Variants in BTRC observed in about 807,000 individuals in gnomAD.
BTRC encodes F-box/WD repeat-containing protein 1A.
Under a neutral mutation model 85.5 loss-of-function variants are expected in BTRC, and 42 were observed. The ratio of observed to expected loss-of-function variants is 0.49; its 90% CI spans 0.38 to 0.64. The LOEUF (loss-of-function observed/expected upper bound fraction) is 0.64, where lower values mean the gene tolerates loss of function less well. BTRC is among the 30% of genes least tolerant of loss of function. BTRC has a pLI of 0.00. For synonymous variants in BTRC, 255 were observed against 263.3 expected (o/e 0.97, Z 0.30); for missense variants, 594 against 743.5 (o/e 0.80, Z 2.34).
intron 13 of BTRC, among the ~76,000 whole-genome samples, chr10:101,543,960 AGT>A (rs1343246766): frequency 3.9e-5 from 6 of 152,168 alleles, no homozygotes; most frequent in African/African-American, 1.4e-4. Flanking sequence ...CCCAGGCTGG[AGT>A]GCACTGGCGT....
intron 4 of BTRC, among the ~76,000 whole-genome samples, chr10:101,503,018 A>G (rs1946433885): frequency 6.6e-6 from 1 of 152,188 alleles, no homozygotes; most frequent in Admixed American, 6.5e-5. Flanking sequence ...TCTTAACATT[A>G]GCCCTTCTAG....
rs749142905 is a variant in BTRC, at chr10:101,536,664, T to C, written c.1577+11T>C. 1.3e-6 allele frequency: 2 copies of C among 1,578,114 alleles called. No homozygotes were observed. The highest frequency in any genetic ancestry group is 1.1e-5 in the South Asian group (1 of 90,040). ...TGGGGCCTATGATGGGTGAGTGTGC[T>C]AACAGAGTGTAAAAAAGAGAAAATC... On this transcript the variant is annotated intron_variant, in intron 12 of 14. Coordinates refer to ENST00000370187, the MANE Select transcript of BTRC (RefSeq NM_033637.4).
chr10:101,471,051 A>G, intron 3 of BTRC, among the ~76,000 whole-genome samples: 1 of 152,204 alleles, frequency 6.6e-6, no homozygotes, highest in Non-Finnish European at 1.5e-5. Flanking sequence ...AAGAAAAATG[A>G]TAGGTGTCTA....
At chr10:101,408,332 G>A (rs1943684784) in intron 1 of BTRC, among the ~76,000 whole-genome samples, 1 of 151,036 alleles carries the variant, frequency 6.6e-6, no homozygotes, top group South Asian at 2.1e-4. Flanking sequence ...TCTGAGACAG[G>A]GTCTCACTCT....
At chr10:101,492,952 G>A (rs567306039) in intron 4 of BTRC, among the ~76,000 whole-genome samples, 1 of 152,256 alleles carries the variant, frequency 6.6e-6, no homozygotes, top group African/African-American at 2.4e-5. Context: ...TACTAAGTGA[G>A]ATTTTATAAA....
At chr10:101,457,376 A>G (rs1478992988) in intron 2 of BTRC, among the ~76,000 whole-genome samples, 1 of 152,216 alleles carries the variant, frequency 6.6e-6, no homozygotes, top group African/African-American at 2.4e-5. Context: ...GACAATGTCA[A>G]TGACTCATGG....
At chr10:101,358,039 C>T (rs1942093942) in intron 1 of BTRC, among the ~76,000 whole-genome samples, 1 of 152,086 alleles carries the variant, frequency 6.6e-6, no homozygotes, top group South Asian at 2.1e-4. Context: ...CCCCAAAACA[C>T]ACAAACACAC....
At chr10:101,419,441 C>T (rs543372760) in intron 1 of BTRC, among the ~76,000 whole-genome samples, 68 of 152,036 alleles carry the variant, frequency 4.5e-4, no homozygotes, top group Non-Finnish European at 9.1e-4. Context: ...GGTTTTATTT[C>T]GAGAAAAAGC....
intron 1 of BTRC, among the ~76,000 whole-genome samples, chr10:101,363,111 G>T (rs1043797328): frequency 6.6e-6 from 1 of 152,168 alleles, no homozygotes; most frequent in African/African-American, 2.4e-5. Context: ...TAAATATACT[G>T]TTCTAAGCTC....
chr10:101,426,676 A>C (rs985871567), intron 1 of BTRC, among the ~76,000 whole-genome samples: 1 of 152,202 alleles, frequency 6.6e-6, no homozygotes, highest in African/African-American at 2.4e-5. Context: ...TGTAAAACGG[A>C]GGAGACAAAT....
At chr10:101,418,695 AATTATT>A (rs569509127) in intron 1 of BTRC, among the ~76,000 whole-genome samples, 5 of 151,894 alleles carry the variant, frequency 3.3e-5, no homozygotes, top group African/African-American at 7.2e-5. Context: ...GGCAAACAAA[AATTATT>A]ATTATTATTA....
intron 1 of BTRC, among the ~76,000 whole-genome samples, chr10:101,370,971 TTTA>T (rs1428000153): frequency 6.6e-6 from 1 of 152,196 alleles, no homozygotes; most frequent in Non-Finnish European, 1.5e-5. Flanking sequence ...TTAAACATTT[TTTA>T]TTGTGGTAAA....
At chr10:101,547,276 G>A (rs2062572057) in intron 13 of BTRC, among the ~76,000 whole-genome samples, 3 of 151,114 alleles carry the variant, frequency 2.0e-5, no homozygotes. Flanking sequence ...TCTAGCCTGG[G>A]TGACAAGAAC....
At chr10:101,462,750 C>T (rs965466641) in intron 3 of BTRC, among the ~76,000 whole-genome samples, 18 of 151,478 alleles carry the variant, frequency 1.2e-4, no homozygotes, top group African/African-American at 1.7e-4. Context: ...TGTGAAAGTT[C>T]AATACCATTG....
intron 1 of BTRC, among the ~76,000 whole-genome samples, chr10:101,389,848 C>T (rs1210990883): frequency 6.6e-6 from 1 of 151,904 alleles, no homozygotes; most frequent in Admixed American, 6.6e-5. Context: ...TGGTCTTGAC[C>T]TCTTGGGTTC....
At chr10:101,462,095 C>A (rs757187514) in intron 3 of BTRC, 37 bp downstream of exon 3, 2 of 1,422,310 alleles carry the variant, frequency 1.4e-6, no homozygotes, top group Non-Finnish European at 9.4e-7. Flanking sequence ...AAAAAGCTAC[C>A]AACAGCAAAA....
Position 101,472,836 on chromosome 10 carries a change from C to A in BTRC, c.235-6532C>A, listed in dbSNP as rs184596822. ...CCTGACATTATTTATATCGTTACTC[C>A]TAGATACCTAACATCCCCTTTTTCC... is the stretch of plus-strand genomic sequence containing the variant. On this transcript the variant is annotated intron_variant, in intron 3 of 14. Transcript: ENST00000370187. Among the ~76,000 whole-genome samples the A allele has an allele frequency of 2.6e-3, 399 of 152,220 alleles. 2 individuals carry two copies. Among genetic ancestry groups the A allele is most frequent in the African/African-American group, 8.1e-3 (337 of 41,534 alleles).
intron 1 of BTRC, among the ~76,000 whole-genome samples, chr10:101,380,487 C>T (rs1041665077): frequency 2.6e-5 from 4 of 151,948 alleles, no homozygotes; most frequent in African/African-American, 9.7e-5. Context: ...TGCACAGCAG[C>T]CGGGCAGAGG....
intron 1 of BTRC, among the ~76,000 whole-genome samples, chr10:101,421,644 C>G (rs1198894777): frequency 1.4e-3 from 157 of 114,498 alleles, no homozygotes; most frequent in African/African-American, 5.0e-3. Context: ...CCACAACAGG[C>G]CCTGATGTGT....
Sources: allele counts gnomAD v4.1 joint callset (sites outside exome capture counted in the v4.1 genomes callset), GRCh38; gene constraint gnomAD v4.1.1; transcripts MANE v1.5; gene names NCBI Gene and HGNC (gene_info 2026-07-23, HGNC 2026-07-21).